The following SMAD3 variants were observed in gnomAD, a reference collection of about 807,000 sequenced individuals.
The protein encoded by SMAD3 is MAD homolog 3.
In SMAD3, 12 loss-of-function variants were observed where a neutral mutation model predicts 51.8. The observed-to-expected ratio is 0.23, with a 90% CI of 0.15 to 0.38. SMAD3 has a LOEUF of 0.38. SMAD3 is among the 10% of genes least tolerant of loss of function. The probability of loss-of-function intolerance (pLI) is 1.00; values close to 1 mark genes in which losing one functional copy is unlikely to be tolerated. For missense variants in SMAD3, 294 were observed against 565.6 expected, an observed-to-expected ratio of 0.52 and a Z score of 4.87; for synonymous variants, 238 against 227.7, an observed-to-expected ratio of 1.05 and a Z score of -0.41.
In SMAD3 at chr15:67,104,982, G is replaced by A. The variant is rs184885435; in HGVS notation, c.206+38622G>A. Among the ~76,000 whole-genome samples the A allele has an allele frequency of 2.0e-5, 3 of 152,366 alleles. No homozygotes were observed. In the East Asian group the frequency reaches 5.8e-4, roughly 29 times the overall value. The stretch of plus-strand genomic sequence containing the variant: ...AGAGTTTGATCTTGCAGGCTTCCCA[G>A]TGGCTCTGCTCTTCCTTGTCTGCTT... On this transcript the variant is annotated intron_variant, in intron 1 of 8. Coordinates refer to ENST00000327367, the MANE Select transcript of SMAD3 (RefSeq NM_005902.4).
chr15:67,168,827 C>T (rs1341295194), intron 4 of SMAD3, among the ~76,000 whole-genome samples: 1 of 152,180 alleles, frequency 6.6e-6, no homozygotes, highest in African/African-American at 2.4e-5. Flanking sequence ...CTGTTTTAGT[C>T]TCTGTTCTTC....
chr15:67,191,196 A>G lies in SMAD3; in HGVS notation c.*660A>G, dbSNP rs1211679246. ...CAGAACCTGCACACAGGACAGCGGG[A>G]AAAATCGATGAGCGCCACCTCTTTA... On this transcript the variant is annotated 3_prime_UTR_variant, in exon 9 of 9. Coordinates refer to ENST00000327367, the MANE Select transcript of SMAD3 (RefSeq NM_005902.4). The G allele has an allele frequency of 4.3e-6, 1 of 233,648 alleles. No individual in the cohort carries two copies. The highest frequency in any genetic ancestry group is 8.5e-6 in the Non-Finnish European group (1 of 118,326). The allele number at this position is 233,648 out of a possible 1,614,324, so 14.5% of individuals were successfully genotyped here.
intron 1 of SMAD3, among the ~76,000 whole-genome samples, chr15:67,067,400 G>A (rs4776337): frequency 0.48 from 72,688 of 152,028 alleles, 17,811 homozygotes; most frequent in South Asian, 0.71. Flanking sequence ...TTGGCTTCCT[G>A]TCTCTACCTC....
At chr15:67,142,115 C>T (rs920144778) in intron 1 of SMAD3, among the ~76,000 whole-genome samples, 3 of 151,836 alleles carry the variant, frequency 2.0e-5, no homozygotes, top group Non-Finnish European at 4.4e-5. Context: ...ATCTGTCATC[C>T]CCCGCTCTTT....
At chr15:67,106,200 T>C (rs1333228936) in intron 1 of SMAD3, among the ~76,000 whole-genome samples, 2 of 152,116 alleles carry the variant, frequency 1.3e-5, no homozygotes, top group African/African-American at 4.8e-5. Flanking sequence ...GCCAGCATGA[T>C]CTCTAAGAAA....
In SMAD3 at chr15:67,191,292, C is replaced by A; in HGVS notation, c.*756C>A. 1 of 233,548 alleles carries A rather than the reference C, an allele frequency of 4.3e-6. No homozygotes were observed. The highest frequency in any genetic ancestry group is 8.5e-6 in the Non-Finnish European group (1 of 118,146). The allele number at this position is 233,548 out of a possible 1,614,324, so 14.5% of individuals were successfully genotyped here. A position where few individuals can be genotyped will look rare whatever the true frequency, so the allele number is the denominator to read the frequency against. On this transcript the variant is annotated 3_prime_UTR_variant, in exon 9 of 9. Transcript: ENST00000327367. Reference sequence around the variant, plus strand: ...GATCTGCTGAGGCCCAGTGCATATGCAATGTATAGTGTCTATTATCACATT... The same window carrying A: ...GATCTGCTGAGGCCCAGTGCATATGAAATGTATAGTGTCTATTATCACATT...
At chr15:67,080,772 C>T (rs1022856128) in intron 1 of SMAD3, among the ~76,000 whole-genome samples, 3 of 152,228 alleles carry the variant, frequency 2.0e-5, no homozygotes, top group South Asian at 2.1e-4. Context: ...GGAGCAAGCA[C>T]GTGGCCCCGA....
At chr15:67,162,136 A>G (rs1199186349) in intron 1 of SMAD3, among the ~76,000 whole-genome samples, 2 of 152,160 alleles carry the variant, frequency 1.3e-5, no homozygotes, top group Non-Finnish European at 1.5e-5. Flanking sequence ...TTCCCAGGCC[A>G]GTGGCTTGGA....
chr15:67,153,286 G>A (rs1302162110), intron 1 of SMAD3, among the ~76,000 whole-genome samples: 5 of 152,252 alleles, frequency 3.3e-5, no homozygotes, highest in African/African-American at 1.2e-4. Flanking sequence ...GAGGTCAGGC[G>A]TTTGAGACCA....
chr15:67,100,628 A>T (rs555308955), intron 1 of SMAD3, among the ~76,000 whole-genome samples: 10 of 152,254 alleles, frequency 6.6e-5, no homozygotes, highest in Admixed American at 5.2e-4. Context: ...TGTGATAAAC[A>T]TATAAATTGA....
intron 1 of SMAD3, among the ~76,000 whole-genome samples, chr15:67,098,281 C>T (rs892226204): frequency 3.3e-5 from 5 of 150,570 alleles, no homozygotes; most frequent in African/African-American, 1.2e-4. Context: ...GCCTAAACTG[C>T]CCCCCCACCC....
At position 67,190,304 on chromosome 15, in the gene SMAD3, C is replaced by T. The variant is rs72661158; in HGVS notation, c.1155-109C>T. 2,446 of 1,037,526 alleles carry T rather than the reference C, an allele frequency of 2.4e-3. 33 individuals carry two copies. The African/African-American group carries it at 0.03, about 13-fold the overall frequency. The allele number at this position is 1,037,526 out of a possible 1,614,324, so 64.3% of individuals were successfully genotyped here. On this transcript the variant is annotated intron_variant, in intron 8 of 8. Transcript: ENST00000327367. ...CCGCTTCTAGGACAGCGTCTAACAG[C>T]ATCTTTGGGAAGATGACTGTCACCA...
chr15:67,098,351 A>AGC lies in SMAD3; in HGVS notation c.206+31992_206+31993insCG, dbSNP rs542464873. Among the ~76,000 whole-genome samples, 5 of 121,620 alleles carry AGC rather than the reference A, an allele frequency of 4.1e-5. 1 individual carries two copies. Among genetic ancestry groups the AGC allele is most frequent in the African/African-American group, 1.4e-4 (4 of 29,314 alleles). 79.8% of individuals were successfully genotyped at this position (121,620 alleles called of 152,430 possible). On this transcript the variant is annotated intron_variant, in intron 1 of 8. Coordinates refer to ENST00000327367, the MANE Select transcript of SMAD3 (RefSeq NM_005902.4). ...GGGAGGGAGGGAGGGAGGGAGGGAG[A>AGC]GAGCGAGCGAGCAAGCAAGCAAGCA... is the stretch of plus-strand genomic sequence containing the variant.
chr15:67,098,955 A>G (rs949945598), intron 1 of SMAD3: 2 of 702,424 alleles, frequency 2.8e-6, no homozygotes, highest in South Asian at 3.0e-5. Flanking sequence ...GTGTTCTGAA[A>G]TGCTTCACAA....
chr15:67,113,072 ATG>A (rs1555408261), intron 1 of SMAD3, among the ~76,000 whole-genome samples: 1 of 35,964 alleles, frequency 2.8e-5, no homozygotes, highest in African/African-American at 1.0e-4. Context: ...ATATATATAT[ATG>A]TGTATATATA....
intron 1 of SMAD3, among the ~76,000 whole-genome samples, chr15:67,162,454 G>A (rs891163572): frequency 2.6e-5 from 4 of 152,200 alleles, no homozygotes; most frequent in African/African-American, 4.8e-5. Flanking sequence ...TTCTATCCCT[G>A]CTACCCGCAA....
rs185676272 is a variant in SMAD3, at chr15:67,112,631, C to G, written c.206+46271C>G. On this transcript the variant is annotated intron_variant, in intron 1 of 8. Transcript: ENST00000327367. ...TCTCTTGATGGTGTTTTTTGAAGCACAAAAGTTTTTAATTCTGATGAAGCT... is the reference window on the plus strand; with the variant it reads ...TCTCTTGATGGTGTTTTTTGAAGCAGAAAAGTTTTTAATTCTGATGAAGCT... Among the ~76,000 whole-genome samples the G allele has an allele frequency of 1.7e-4, 23 of 133,830 alleles. 8 individuals are homozygous for G. The East Asian group carries it at 6.6e-3, about 38-fold the overall frequency. 87.8% of individuals were successfully genotyped at this position (133,830 alleles called of 152,430 possible).
chr15:67,167,009 A>G (rs1440466967), intron 4 of SMAD3, among the ~76,000 whole-genome samples, 156 bp downstream of exon 4: 1 of 152,066 alleles, frequency 6.6e-6, no homozygotes, highest in Non-Finnish European at 1.5e-5. Flanking sequence ...CAGGGCATAG[A>G]AGAGGGTCCG....
At chr15:67,112,154 C>CTTTTTTTTTTTTTTTTTTTTTTTTT (rs753530213) in intron 1 of SMAD3, among the ~76,000 whole-genome samples, 2 of 90,426 alleles carry the variant, frequency 2.2e-5, no homozygotes, top group Non-Finnish European at 3.8e-5. Context: ...TTTTTCTTTC[C>CTTTTTTTTTTTTTTTTTTTTTTTTT]TTTTTTTTTT....
Sources: allele counts gnomAD v4.1 joint callset (sites outside exome capture counted in the v4.1 genomes callset), GRCh38; gene constraint gnomAD v4.1.1; transcripts MANE v1.5; gene names NCBI Gene and HGNC (gene_info 2026-07-23, HGNC 2026-07-21).